The following ADAM17 variants were observed in gnomAD, a reference collection of about 807,000 sequenced individuals.
ADAM17 encodes the protein ADAM metallopeptidase domain 17.
In ADAM17, 39 loss-of-function variants were observed where a neutral mutation model predicts 96.7. The observed-to-expected ratio is 0.40, with a 90% CI of 0.31 to 0.53. The LOEUF is 0.53. ADAM17 is among the 20% of genes least tolerant of loss of function. The pLI, the probability that ADAM17 is intolerant of heterozygous loss-of-function variation, is 0.44. For missense variants in ADAM17, 777 were observed against 1,013.2 expected, an observed-to-expected ratio of 0.77 and a Z score of 3.17; for synonymous variants, 344 against 359.2, an observed-to-expected ratio of 0.96 and a Z score of 0.48.
rs955687031 is a variant in ADAM17 at position 9,488,486 on chromosome 2, T to C, written c.*1691A>G. The C allele has an allele frequency of 1.1e-5, 6 of 531,576 alleles. No homozygotes were observed. The highest frequency in any genetic ancestry group is 9.6e-5 in the African/African-American group (5 of 51,816). 32.9% of individuals were successfully genotyped at this position (531,576 alleles called of 1,614,324 possible). On this transcript the variant is annotated 3_prime_UTR_variant, in exon 19 of 19. Transcript: ENST00000310823. ...CAGGGAAGTTTTATACTTAGGTCCA[T>C]TGTGTTTCGACAGTATTTATTAATG...
At chr2:9,539,095 T>A (rs1457513236) in intron 2 of ADAM17, among the ~76,000 whole-genome samples, 1 of 151,642 alleles carries the variant, frequency 6.6e-6, no homozygotes, top group African/African-American at 2.4e-5. Flanking sequence ...TATTTAAAAA[T>A]AAGATAATTT....
chr2:9,535,416 TCCTCTTTAACTTCTCAGACTATGAA>T lies in ADAM17; in HGVS notation c.450+393_450+417del, dbSNP rs1252838875. Among the ~76,000 whole-genome samples the T allele has an allele frequency of 4.6e-5, 7 of 152,344 alleles. No individual in the cohort carries two copies. The East Asian group carries it at 1.3e-3, about 29-fold the overall frequency. On this transcript the variant is annotated intron_variant, in intron 4 of 18. Coordinates refer to ENST00000310823, the MANE Select transcript of ADAM17 (RefSeq NM_003183.6). Reference sequence around the variant, plus strand: ...TGACCACAGCCTGACTTTCCTAGCTTCCTCTTTAACTTCTCAGACTATGAACTACCACCTTTCATTGATCTAGCAT... The same window carrying T: ...TGACCACAGCCTGACTTTCCTAGCTTCTACCACCTTTCATTGATCTAGCAT...
In ADAM17 at chr2:9,527,852, C is replaced by G; in HGVS notation, c.553G>C (p.Gly185Arg). ...TCTTCATTATCCACTTTTAAATAAC[C>G]ACACACTTTTGGAGACTGCAAACGT... ...VSRLQSPKVC[G>R]YLKVDNEELL... Residue 185 changes from glycine (G) to arginine (R), a missense_variant, in exon 5 of 19, where the codon GGT (glycine) becomes CGT (arginine). Transcript: ENST00000310823. 1 of 1,606,460 alleles carries G rather than the reference C, an allele frequency of 6.2e-7. No homozygotes were observed.
Position 9,490,425 on chromosome 2 carries a change from G to C in ADAM17, c.2227C>G (p.Pro743Ala), listed in dbSNP as rs1267801186. 4 of 1,614,088 alleles carry C rather than the reference G, an allele frequency of 2.5e-6. No homozygotes were observed. The African/African-American group carries it at 5.3e-5, about 22-fold the overall frequency. ...GCTGCTGGCGCCGAAGGGATCACAG[G>C]GGCAGGCTGCAGGCGGCCTGGAGTC... ...PQTPGRLQPA[P>A]VIPSAPAAPK... The change falls in exon 19 of 19, where the codon CCT becomes GCT. Residue 743 changes from proline (P) to alanine (A), a missense_variant. Physicochemically the swap from Pro to Ala is conservative, Grantham distance 27. This residue lies in a region of ADAM17 where 197 missense variants were observed against 219.4 expected (regional missense o/e 0.90). Transcript: ENST00000310823.
chr2:9,530,798 C>T (rs1174668533), intron 4 of ADAM17, among the ~76,000 whole-genome samples: 1 of 151,900 alleles, frequency 6.6e-6, no homozygotes, highest in Non-Finnish European at 1.5e-5. Context: ...GGTGAAGGGT[C>T]ATGATGTTTG....
Position 9,489,192 on chromosome 2 carries a change from C to T in ADAM17, c.*985G>A, listed in dbSNP as rs1160411672. On this transcript the variant is annotated 3_prime_UTR_variant, in exon 19 of 19. Transcript: ENST00000310823. ...TTGTTGTTAAGAAATATCTCACCCT[C>T]TTATTCAATAGTGTTTGAAAACAGG... 6 of 149,224 alleles carry T rather than the reference C, an allele frequency of 4.0e-5. No individual in the cohort carries two copies. The highest frequency in any genetic ancestry group is 1.5e-4 in the African/African-American group (6 of 39,952). 9.2% of individuals were successfully genotyped at this position (149,224 alleles called of 1,614,324 possible).
Position 9,515,216 on chromosome 2 carries a change from G to A in ADAM17, c.1191+2685C>T, listed in dbSNP as rs114421533. Among the ~76,000 whole-genome samples the A allele has an allele frequency of 5.1e-3, 773 of 152,150 alleles. 6 individuals are homozygous for A. The highest frequency in any genetic ancestry group is 0.017 in the African/African-American group (720 of 41,520). The stretch of plus-strand genomic sequence containing the variant: ...CACTGATCATTTTATAGTCTGCATG[G>A]TTTTGTCTTTTCTAGAATGTCATAT... On this transcript the variant is annotated intron_variant, in intron 10 of 18. Transcript: ENST00000310823.
At chr2:9,536,860 A>G in intron 2 of ADAM17, 32 bp from the exon 3 acceptor site, 1 of 1,604,920 alleles carries the variant, frequency 6.2e-7, no homozygotes, top group Non-Finnish European at 8.5e-7. Flanking sequence ...TTTTACTCTA[A>G]GCACACAAAT....
In ADAM17 at chr2:9,520,964, C is replaced by CAAAA. The variant is rs55909096; in HGVS notation, c.957+235_957+238dup. ...GGGCAACAAGAGTGAAACTCTGTCT[C>CAAAA]AAAAAAAAAAAAAAAAAAAAAAGGA... is the stretch of plus-strand genomic sequence containing the variant. On this transcript the variant is annotated intron_variant, in intron 8 of 18. Coordinates refer to ENST00000310823, the MANE Select transcript of ADAM17 (RefSeq NM_003183.6). Among the ~76,000 whole-genome samples, 46 of 26,290 alleles carry CAAAA rather than the reference C, an allele frequency of 1.7e-3. 2 individuals are homozygous for CAAAA. Among genetic ancestry groups the CAAAA allele is most frequent in the South Asian group, 0.013 (11 of 846 alleles). The allele number at this position is 26,290 out of a possible 152,430, so 17.2% of individuals were successfully genotyped here. A position where few individuals can be genotyped will look rare whatever the true frequency, so the allele number is the denominator to read the frequency against.
At chr2:9,511,765 G>A (rs1309973764) in intron 10 of ADAM17, among the ~76,000 whole-genome samples, 1 of 152,144 alleles carries the variant, frequency 6.6e-6, no homozygotes, top group East Asian at 1.9e-4. Context: ...GAGGTCAGGA[G>A]TTCCAGACCA....
intron 13 of ADAM17, 116 bp from the exon 14 acceptor site, chr2:9,497,364 G>C (rs1435558960): frequency 2.2e-6 from 3 of 1,339,976 alleles, no homozygotes; most frequent in Admixed American, 2.1e-5. Flanking sequence ...AAAGCAAAAA[G>C]TGACCTACAG....
intron 11 of ADAM17, chr2:9,505,666 G>A: frequency 5.5e-6 from 2 of 364,878 alleles, no homozygotes; most frequent in Non-Finnish European, 1.0e-5. Flanking sequence ...CCCACTTAAG[G>A]ACAAGCAGAA....
chr2:9,537,963 GGGGAAGGGAAGGGGAAGGGAGGGGAA>G, intron 2 of ADAM17, among the ~76,000 whole-genome samples: 1 of 36,664 alleles, frequency 2.7e-5, no homozygotes. Context: ...GGGGAAGAGA[GGGGAAGGGAAGGGGAAGGGAGGGGAA>G]GGGAGGGGAG....
chr2:9,499,410 G>T (rs1199201802), intron 13 of ADAM17, among the ~76,000 whole-genome samples: 4 of 150,072 alleles, frequency 2.7e-5, no homozygotes, highest in Non-Finnish European at 5.9e-5. Flanking sequence ...TGTTTTTTTG[G>T]TTTTTTTTTG....
chr2:9,495,282 G>T (rs891470437), intron 14 of ADAM17, among the ~76,000 whole-genome samples: 1 of 152,250 alleles, frequency 6.6e-6, no homozygotes, highest in Non-Finnish European at 1.5e-5. Context: ...GAACAGCTCT[G>T]ACAGGTCACA....
chr2:9,504,043 C>T (rs994055683), intron 12 of ADAM17, among the ~76,000 whole-genome samples: 17 of 150,624 alleles, frequency 1.1e-4, no homozygotes, highest in East Asian at 2.0e-4. Flanking sequence ...CCTGTCTATC[C>T]GGGAGGCTGA....
chr2:9,526,061 A>G, intron 6 of ADAM17, 50 bp downstream of exon 6: 3 of 1,501,370 alleles, frequency 2.0e-6, no homozygotes, highest in South Asian at 2.6e-5. Context: ...CATGGAATGT[A>G]CCCACCCAAA....
chr2:9,535,081 T>C (rs760651419), intron 4 of ADAM17, among the ~76,000 whole-genome samples: 20 of 152,238 alleles, frequency 1.3e-4, no homozygotes, highest in Admixed American at 2.0e-4. Context: ...GTCATGTAGA[T>C]TGGATATAAT....
At chr2:9,541,166 A>G (rs1665191243) in intron 2 of ADAM17, among the ~76,000 whole-genome samples, 1 of 152,230 alleles carries the variant, frequency 6.6e-6, no homozygotes, top group African/African-American at 2.4e-5. Context: ...TGTTGTTACA[A>G]TTCTATGCAA....
Sources: gnomAD v4.1 joint callset for allele counts (sites outside exome capture counted in the v4.1 genomes callset) on GRCh38, gnomAD v4.1.1 for gene constraint, gnomAD v4.1.1 regional missense constraint, MANE v1.5 for transcripts, NCBI Gene and HGNC (gene_info 2026-07-23, HGNC 2026-07-21) for gene names.